PTPRZ1: variants seen among roughly 807,000 people sequenced by gnomAD.
PTPRZ1 encodes receptor-type tyrosine-protein phosphatase zeta.
A neutral mutation model predicts 214.1 loss-of-function variants in PTPRZ1; 82 were observed. That is an observed-to-expected ratio of 0.38 (90% confidence interval 0.32 to 0.46). The LOEUF (loss-of-function observed/expected upper bound fraction) is 0.46. Among genes scored for constraint, PTPRZ1 ranks in the 20% least tolerant of loss-of-function variants. The pLI is 1.00. For missense variants in PTPRZ1, 2,603 were observed against 2,748.7 expected (o/e 0.95, Z 1.19); for synonymous variants, 945 against 987.9 (o/e 0.96, Z 0.81).
intron 26 of PTPRZ1, among the ~76,000 whole-genome samples, chr7:122,054,239 A>T (rs1348851774): frequency 3.9e-5 from 6 of 152,160 alleles, no homozygotes; most frequent in African/African-American, 1.2e-4. Flanking sequence ...AAAGTTTTAA[A>T]TGAAAGTAGA....
chr7:121,894,983 T>G (rs1474629480), intron 1 of PTPRZ1, among the ~76,000 whole-genome samples: 3 of 152,204 alleles, frequency 2.0e-5, no homozygotes, highest in African/African-American at 7.2e-5. Context: ...AGTATCACCT[T>G]AATTTTAAAA....
chr7:121,903,013 T>C (rs1795014644), intron 1 of PTPRZ1, among the ~76,000 whole-genome samples: 1 of 152,158 alleles, frequency 6.6e-6, no homozygotes, highest in Non-Finnish European at 1.5e-5. Flanking sequence ...ACAAATTTCC[T>C]ATTTTGAAAG....
At chr7:122,055,653 A>G (rs1792327984) in intron 27 of PTPRZ1, among the ~76,000 whole-genome samples, 1 of 151,902 alleles carries the variant, frequency 6.6e-6, no homozygotes, top group Non-Finnish European at 1.5e-5. Flanking sequence ...GTTGTTATCT[A>G]CAAGATAATA....
At chr7:121,962,107 T>C (rs1161681311) in intron 2 of PTPRZ1, among the ~76,000 whole-genome samples, 1 of 152,158 alleles carries the variant, frequency 6.6e-6, no homozygotes, top group Non-Finnish European at 1.5e-5. Context: ...CTATATGAAC[T>C]GATGTCTCCA....
At chr7:121,879,400 T>C (rs1217135724) in intron 1 of PTPRZ1, among the ~76,000 whole-genome samples, 1 of 152,134 alleles carries the variant, frequency 6.6e-6, no homozygotes, top group Non-Finnish European at 1.5e-5. Context: ...TAAAGTATCT[T>C]GAGCCCATGA....
chr7:122,012,453 G>A lies in PTPRZ1; in HGVS notation c.3407G>A (p.Gly1136Asp), dbSNP rs770202791. ...QPTHTVSQAS[G>D]DTSLKPVLSA... ...ACACATACTGTCTCTCAAGCATCTG[G>A]TGACACTTCGCTTAAACCTGTGCTT... is the stretch of plus-strand genomic sequence containing the variant. The change falls in exon 12 of 30, where the codon GGT (glycine) becomes GAT (aspartate). Residue 1136 changes from glycine to aspartate, a missense_variant. Gly to Asp is a moderately conservative substitution (Grantham distance 94). Around this residue, in one of 6 missense-constraint regions of PTPRZ1, gnomAD observed 1,913 missense variants for 1,914.3 expected, o/e 1.00. Coordinates refer to ENST00000393386, the MANE Select transcript of PTPRZ1 (RefSeq NM_002851.3). 6.2e-6 allele frequency: 10 copies of A among 1,613,358 alleles called. No individual in the cohort carries two copies. The African/African-American group carries it at 1.1e-4, about 17-fold the overall frequency.
At chr7:121,890,629 GC>G (rs928463564) in intron 1 of PTPRZ1, among the ~76,000 whole-genome samples, 8 of 152,056 alleles carry the variant, frequency 5.3e-5, no homozygotes, top group Admixed American at 5.2e-4. Context: ...AGCCCCAAAT[GC>G]TCTGGCCTCC....
intron 12 of PTPRZ1, among the ~76,000 whole-genome samples, chr7:122,015,975 C>G (rs1460126831): frequency 6.6e-6 from 1 of 151,850 alleles, no homozygotes; most frequent in East Asian, 1.9e-4. Context: ...TGAATATATC[C>G]CTTTATCAAA....
chr7:121,882,754 C>T (rs1183397474), intron 1 of PTPRZ1, among the ~76,000 whole-genome samples: 2 of 152,090 alleles, frequency 1.3e-5, no homozygotes, highest in African/African-American at 4.8e-5. Flanking sequence ...TGGTTAAAAG[C>T]CTCTTACACG....
Position 122,013,020 on chromosome 7 carries a change from C to A in PTPRZ1, c.3974C>A (p.Thr1325Lys). 6.2e-7 allele frequency: 1 copy of A among 1,614,026 alleles called. No individual in the cohort carries two copies. Among genetic ancestry groups the A allele is most frequent in the Non-Finnish European group, 8.5e-7 (1 of 1,179,900 alleles). ...TTATCAATTGATGAACCATTAAATACACTAATAAATAAGCTTATACATTCC... is the reference window on the plus strand; with the variant it reads ...TTATCAATTGATGAACCATTAAATAAACTAATAAATAAGCTTATACATTCC... ...PVLSIDEPLN[T>K]LINKLIHSDE... The change falls in exon 12 of 30, where the codon ACA becomes AAA. Residue 1325 changes from threonine (T) to lysine (K), a missense_variant. Physicochemically the swap from Thr to Lys is moderately conservative, Grantham distance 78. Coordinates refer to ENST00000393386, the MANE Select transcript of PTPRZ1 (RefSeq NM_002851.3).
At chr7:121,927,021 T>C (rs1470653398) in intron 1 of PTPRZ1, among the ~76,000 whole-genome samples, 2 of 152,192 alleles carry the variant, frequency 1.3e-5, no homozygotes, top group African/African-American at 4.8e-5. Context: ...TAGTAACTTA[T>C]TACCATGTTG....
intron 18 of PTPRZ1, among the ~76,000 whole-genome samples, chr7:122,038,116 G>A (rs373570758): frequency 6.6e-6 from 1 of 152,014 alleles, no homozygotes; most frequent in African/African-American, 2.4e-5. Context: ...CGAGAACAGC[G>A]TGGGGGAAAT....
intron 27 of PTPRZ1, among the ~76,000 whole-genome samples, chr7:122,056,265 A>G (rs1001139631): frequency 3.3e-5 from 5 of 151,784 alleles, no homozygotes; most frequent in South Asian, 4.2e-4. Flanking sequence ...ATCATGTTTA[A>G]TATCTTGCTC....
chr7:121,977,003 T>C, intron 6 of PTPRZ1, 152 bp downstream of exon 6: 1 of 511,060 alleles, frequency 2.0e-6, no homozygotes, highest in East Asian at 3.3e-5. Flanking sequence ...TGATAATTTA[T>C]ACATTTCTCA....
chr7:121,899,726 T>C (rs1362408777), intron 1 of PTPRZ1, among the ~76,000 whole-genome samples: 4 of 152,320 alleles, frequency 2.6e-5, no homozygotes, highest in African/African-American at 4.8e-5. Flanking sequence ...ACTGGGGCTA[T>C]GGAGCAGCCT....
intron 22 of PTPRZ1, among the ~76,000 whole-genome samples, chr7:122,043,781 GA>G (rs1028691408): frequency 3.3e-5 from 5 of 152,104 alleles, no homozygotes; most frequent in African/African-American, 9.7e-5. Context: ...AGGAGGGAGA[GA>G]ATCAGGAAAA....
At chr7:121,883,780 C>T (rs928942957) in intron 1 of PTPRZ1, among the ~76,000 whole-genome samples, 1 of 152,146 alleles carries the variant, frequency 6.6e-6, no homozygotes. Flanking sequence ...GCATGTGCCA[C>T]CATGCCCAGC....
In PTPRZ1 at chr7:122,019,151, G is replaced by T. The variant is rs779285450; in HGVS notation, c.4871G>T (p.Arg1624Leu). 5 of 1,612,108 alleles carry T rather than the reference G, an allele frequency of 3.1e-6. No individual in the cohort carries two copies. The highest frequency in any genetic ancestry group is 3.4e-6 in the Non-Finnish European group (4 of 1,178,448). The change falls in exon 13 of 30, where the codon CGT (arginine) becomes CTT (leucine). Residue 1624 changes from arginine (R) to leucine (L), a missense_variant. Physicochemically the swap from Arg to Leu is moderately radical, Grantham distance 102. This residue lies in a region of PTPRZ1 where 1,913 missense variants were observed against 1,914.3 expected (regional missense o/e 1.00). Coordinates refer to ENST00000393386, the MANE Select transcript of PTPRZ1 (RefSeq NM_002851.3). ...GCCAGTAATAGTAGCCATGAGTCTCGTATTGGTCTAGCTGAGGGGTTGGAA... is the reference window on the plus strand; with the variant it reads ...GCCAGTAATAGTAGCCATGAGTCTCTTATTGGTCTAGCTGAGGGGTTGGAA... Reference protein sequence around the residue: ...AEASNSSHESRIGLAEGLESE... With the variant: ...AEASNSSHESLIGLAEGLESE...
In PTPRZ1 at chr7:122,034,085, C is replaced by T. The variant is rs1390010782; in HGVS notation, c.5167-10C>T. On this transcript the variant is annotated splice_polypyrimidine_tract_variant and intron_variant, in intron 15 of 29. Transcript: ENST00000393386. ...TTTCTTTACTTTTTTGGCATTCATT[C>T]CCTCATTAGACACTGAAAGAGTTTT... The T allele has an allele frequency of 1.3e-6, 2 of 1,588,506 alleles. No individual in the cohort carries two copies. Among genetic ancestry groups the T allele is most frequent in the Non-Finnish European group, 1.7e-6 (2 of 1,158,548 alleles).
Sources: allele counts gnomAD v4.1 joint callset (sites outside exome capture counted in the v4.1 genomes callset), GRCh38; gene constraint gnomAD v4.1.1; regional missense constraint gnomAD v4.1.1; transcripts MANE v1.5; gene names NCBI Gene and HGNC (gene_info 2026-07-23, HGNC 2026-07-21).